Variants in SBNO2 observed in about 807,000 individuals in gnomAD.
SBNO2 encodes the protein strawberry notch homolog 2.
A neutral mutation model predicts 146.3 loss-of-function variants in SBNO2; 89 were observed. The ratio of observed to expected loss-of-function variants is 0.61; its 90% CI spans 0.51 to 0.73. The LOEUF (loss-of-function observed/expected upper bound fraction) is 0.73. Among genes scored for constraint, SBNO2 ranks in the 30% least tolerant of loss-of-function variants. The pLI, the probability that SBNO2 is intolerant of heterozygous loss-of-function variation, is 0.00. For synonymous variants in SBNO2, 1,147 were observed against 892.6 expected (o/e 1.29, Z -5.08); for missense variants, 2,092 against 2,003.7 (o/e 1.04, Z -0.84).
Position 1,122,767 on chromosome 19 carries a change from C to T in SBNO2, c.805G>A (p.Gly269Arg), listed in dbSNP as rs1248026035. 8 of 1,537,706 alleles carry T rather than the reference C, an allele frequency of 5.2e-6. No individual in the cohort carries two copies. The highest frequency in any genetic ancestry group is 2.0e-5 in the Admixed American group (1 of 50,968). ...CCGATGAGAAAGCCCGCGCGCTGCCCGCTGGGGAGCAGGACCTCGTGTTGC... is the reference window on the plus strand; with the variant it reads ...CCGATGAGAAAGCCCGCGCGCTGCCTGCTGGGGAGCAGGACCTCGTGTTGC... ...CQQHEVLLPS[G>R]QRAGFLIGDG... The change falls in exon 9 of 32, where the codon GGG becomes AGG. Residue 269 changes from glycine (G) to arginine (R), a missense_variant. Coordinates refer to ENST00000361757, the MANE Select transcript of SBNO2 (RefSeq NM_014963.3).
At chr19:1,122,860 C>CA in intron 8 of SBNO2, 34 bp downstream of exon 8, 1 of 1,539,196 alleles carries the variant, frequency 6.5e-7, no homozygotes. Flanking sequence ...GCCTCGCGGA[C>CA]ACAGGCTGGG....
intron 4 of SBNO2, chr19:1,132,286 C>CTACT (rs2080039395): frequency 7.6e-7 from 1 of 1,309,986 alleles, no homozygotes; most frequent in Non-Finnish European, 9.7e-7. Flanking sequence ...GTTTAGTCAC[C>CTACT]GCCGCCGGCG....
At position 1,163,540 on chromosome 19, in the gene SBNO2, G is replaced by A. The variant is rs145742111; in HGVS notation, c.-126-9138C>T. ...AGCCCCACGCGACTCCCGTGAGCACGAGGACTCGGGTGCCCTGGGGTGAGG... is the reference window on the plus strand; with the variant it reads ...AGCCCCACGCGACTCCCGTGAGCACAAGGACTCGGGTGCCCTGGGGTGAGG... On this transcript the variant is annotated intron_variant, in intron 1 of 31. Coordinates refer to ENST00000361757, the MANE Select transcript of SBNO2 (RefSeq NM_014963.3). 2.4e-3 allele frequency among the ~76,000 whole-genome samples: 367 copies of A among 152,316 alleles called. 1 individual carries two copies. The highest frequency in any genetic ancestry group is 4.1e-3 in the Non-Finnish European group (276 of 68,006).
At position 1,173,431 on chromosome 19, in the gene SBNO2, C is replaced by G. The variant is rs1265370544; in HGVS notation, c.-127+741G>C. ...ATATCAGCAAGCCCCCATCCCAAAC[C>G]GGGGGACCTCCATGCAGAAACCGAA... On this transcript the variant is annotated intron_variant, in intron 1 of 31. Coordinates refer to ENST00000361757, the MANE Select transcript of SBNO2 (RefSeq NM_014963.3). This position sits in a 1 kb window ranked among gnomAD's most constrained non-coding sequence, Gnocchi z 4.7. Among the ~76,000 whole-genome samples the G allele has an allele frequency of 6.6e-6, 1 of 152,170 alleles. No individual in the cohort carries two copies. The highest frequency in any genetic ancestry group is 1.9e-4 in the East Asian group (1 of 5,190).
At chr19:1,128,298 G>A (rs746217861) in intron 4 of SBNO2, 1 of 406,250 alleles carries the variant, frequency 2.5e-6, no homozygotes. Context: ...CTGTGCCGGA[G>A]GCAGGGGCGG....
chr19:1,113,595 C>A lies in SBNO2; in HGVS notation c.2187G>T (p.Leu729=). The A allele has an allele frequency of 6.3e-7, 1 of 1,598,110 alleles. No individual in the cohort carries two copies. Among genetic ancestry groups the A allele is most frequent in the Admixed American group, 1.8e-5 (1 of 56,826 alleles). ...LDKVRRLGRE[L]PVNTLDELID... ...TGAGCTCGTCCAGGGTGTTGACTGGCAGTTCCCGGCCCAGCCGCCGCACTT... is the reference window on the plus strand; with the variant it reads ...TGAGCTCGTCCAGGGTGTTGACTGGAAGTTCCCGGCCCAGCCGCCGCACTT... Residue 729 remains leucine (L), a synonymous_variant, in exon 19 of 32, where the codon CTG becomes CTT. Transcript: ENST00000361757.
chr19:1,164,819 AGGAG>A (rs1353231312), intron 1 of SBNO2, among the ~76,000 whole-genome samples: 1 of 24 alleles, frequency 0.042, no homozygotes, highest in African/African-American at 0.25. Context: ...GAGGAGCAGG[AGGAG>A]GGAGGAGGAA....
chr19:1,110,308 G>A lies in SBNO2; in HGVS notation c.3028+437C>T, dbSNP rs1311458590. Among the ~76,000 whole-genome samples, 5 of 152,102 alleles carry A rather than the reference G, an allele frequency of 3.3e-5. No homozygotes were observed. Among genetic ancestry groups the A allele is most frequent in the Admixed American group, 2.0e-4 (3 of 15,272 alleles). On this transcript the variant is annotated intron_variant, in intron 26 of 31. Transcript: ENST00000361757. The surrounding 1 kb of genome is among the most constrained non-coding windows in gnomAD (Gnocchi z 4.9). ...ATGAGGCTGGAAGCACAGGCTCGCC[G>A]GCCTTTCGTTCACAACAATGTAGCA...
chr19:1,118,341 AAAAAT>A (rs2079857454), intron 14 of SBNO2, among the ~76,000 whole-genome samples: 1 of 152,142 alleles, frequency 6.6e-6, no homozygotes, highest in South Asian at 2.1e-4. Flanking sequence ...CCCCGTCTCA[AAAAAT>A]AAAAAAAAAA....
Position 1,116,143 on chromosome 19 carries a change from T to C in SBNO2, c.1803-40A>G, listed in dbSNP as rs1198216217. The stretch of plus-strand genomic sequence containing the variant: ...CGGAGTTTATTCTCACACGAGGAGC[T>C]GAGGCCAGGCGGGGTTGCTCTCCAG... On this transcript the variant is annotated intron_variant, in intron 16 of 31. Coordinates refer to ENST00000361757, the MANE Select transcript of SBNO2 (RefSeq NM_014963.3). The C allele has an allele frequency of 5.7e-6, 9 of 1,571,858 alleles. No individual in the cohort carries two copies. In the South Asian group the frequency reaches 1.1e-4, roughly 18 times the overall value.
chr19:1,120,133 C>T lies in SBNO2; in HGVS notation c.1150-110G>A, dbSNP rs987615695. Reference sequence around the variant, plus strand: ...TCCTGGTGGGGGGCAAACGCCTGTGCGGCTGAGAACTCCACGAGGGAAGCC... The same window carrying T: ...TCCTGGTGGGGGGCAAACGCCTGTGTGGCTGAGAACTCCACGAGGGAAGCC... On this transcript the variant is annotated intron_variant, in intron 11 of 31. Coordinates refer to ENST00000361757, the MANE Select transcript of SBNO2 (RefSeq NM_014963.3). 1.1e-5 allele frequency: 9 copies of T among 817,962 alleles called. No individual in the cohort carries two copies. In the African/African-American group the frequency reaches 1.2e-4, roughly 11 times the overall value. 50.7% of individuals were successfully genotyped at this position (817,962 alleles called of 1,614,324 possible). A position where few individuals can be genotyped will look rare whatever the true frequency, so the allele number is the denominator to read the frequency against.
At chr19:1,135,946 A>T (rs2080081052) in intron 4 of SBNO2, among the ~76,000 whole-genome samples, 1 of 151,856 alleles carries the variant, frequency 6.6e-6, no homozygotes, top group Admixed American at 6.6e-5. Context: ...AAATGGTGTG[A>T]TCATGTCCTG....
intron 2 of SBNO2, among the ~76,000 whole-genome samples, chr19:1,153,453 G>A (rs1289113778): frequency 6.6e-6 from 1 of 151,604 alleles, no homozygotes; most frequent in African/African-American, 2.4e-5. Context: ...TGGCCAGGCT[G>A]GTCTCAAACT....
intron 4 of SBNO2, among the ~76,000 whole-genome samples, chr19:1,131,135 C>T (rs1414129705): frequency 9.2e-5 from 14 of 152,318 alleles, no homozygotes; most frequent in African/African-American, 2.2e-4. Context: ...GTCCCACCCG[C>T]GCCTGTGTGT....
At position 1,168,108 on chromosome 19, in the gene SBNO2, G is replaced by C. The variant is rs370717757; in HGVS notation, c.-127+6064C>G. 1.1e-4 allele frequency among the ~76,000 whole-genome samples: 16 copies of C among 152,230 alleles called. 1 individual carries two copies. Among genetic ancestry groups the C allele is most frequent in the African/African-American group, 3.9e-4 (16 of 41,540 alleles). ...GTTTCTAGATCATCTGGTTTTTCAAGAGAAGCCACAAGTCTGCGTTTGAGG... is the reference window on the plus strand; with the variant it reads ...GTTTCTAGATCATCTGGTTTTTCAACAGAAGCCACAAGTCTGCGTTTGAGG... On this transcript the variant is annotated intron_variant, in intron 1 of 31. Coordinates refer to ENST00000361757, the MANE Select transcript of SBNO2 (RefSeq NM_014963.3).
Position 1,126,873 on chromosome 19 carries a change from C to A in SBNO2, c.441+731G>T, listed in dbSNP as rs1425485376. Among the ~76,000 whole-genome samples, 1 of 152,226 alleles carries A rather than the reference C, an allele frequency of 6.6e-6. No homozygotes were observed. Among genetic ancestry groups the A allele is most frequent in the Non-Finnish European group, 1.5e-5 (1 of 68,032 alleles). ...CAGCCATGCCTCCCTCACCAGACAC[C>A]TCCACTGAGTCGCACTGGGGCACGG... On this transcript the variant is annotated intron_variant, in intron 5 of 31. Coordinates refer to ENST00000361757, the MANE Select transcript of SBNO2 (RefSeq NM_014963.3). The surrounding 1 kb of genome is among the most constrained non-coding windows in gnomAD (Gnocchi z 4.4).
intron 4 of SBNO2, among the ~76,000 whole-genome samples, chr19:1,129,048 C>T (rs1232816127): frequency 6.6e-6 from 1 of 151,862 alleles, no homozygotes; most frequent in Non-Finnish European, 1.5e-5. Flanking sequence ...GGGCAGATCA[C>T]CTGAGGTCAG....
At chr19:1,172,877 C>G (rs2083372844) in intron 1 of SBNO2, among the ~76,000 whole-genome samples, 1 of 151,116 alleles carries the variant, frequency 6.6e-6, no homozygotes, top group East Asian at 1.9e-4. Context: ...GGCACCAAAC[C>G]TATCCCGTCC....
In SBNO2 at chr19:1,122,255, C is replaced by G. The variant is rs764504487; in HGVS notation, c.1033G>C (p.Glu345Gln). Reference sequence around the variant, plus strand: ...GAGTAGGTGGCGAAGAGGACGCCCTCTGAGGTAGTGGTGTCACCGTACTTG... The same window carrying G: ...GAGTAGGTGGCGAAGAGGACGCCCTGTGAGGTAGTGGTGTCACCGTACTTG... ...KIKYGDTTTS[E>Q]GVLFATYSAL... Residue 345 changes from glutamate (E) to glutamine (Q), a missense_variant, in exon 11 of 32, where the codon GAG becomes CAG. Coordinates refer to ENST00000361757, the MANE Select transcript of SBNO2 (RefSeq NM_014963.3). 6.3e-7 allele frequency: 1 copy of G among 1,580,866 alleles called. No individual in the cohort carries two copies. The highest frequency in any genetic ancestry group is 8.6e-7 in the Non-Finnish European group (1 of 1,163,772).
Sources: gnomAD v4.1 joint callset for allele counts (sites outside exome capture counted in the v4.1 genomes callset) on GRCh38, gnomAD v4.1.1 for gene constraint, Gnocchi (gnomAD v3.1) non-coding constraint, MANE v1.5 for transcripts, NCBI Gene and HGNC (gene_info 2026-07-23, HGNC 2026-07-21) for gene names.